ATG2B: variants seen among roughly 807,000 people sequenced by gnomAD.
The protein encoded by ATG2B is autophagy related 2B, also known as autophagy-related protein 2 homolog B.
Under a neutral mutation model 241.3 loss-of-function variants are expected in ATG2B, and 121 were observed. The ratio of observed to expected loss-of-function variants is 0.50; its 90% CI spans 0.43 to 0.58. ATG2B has a LOEUF of 0.58. Among genes scored for constraint, ATG2B ranks in the 20% least tolerant of loss-of-function variants. The probability of loss-of-function intolerance (pLI) is 0.00; values close to 1 mark genes in which losing one functional copy is unlikely to be tolerated. For synonymous variants in ATG2B, 858 were observed against 876.6 expected, an observed-to-expected ratio of 0.98 and a Z score of 0.37; for missense variants, 2,306 against 2,491.6, an observed-to-expected ratio of 0.93 and a Z score of 1.59.
Position 96,325,947 on chromosome 14 carries a change from T to C in ATG2B, c.2164-25A>G, listed in dbSNP as rs760340624. 6.9e-6 allele frequency: 11 copies of C among 1,601,902 alleles called. No homozygotes were observed. In the East Asian group the frequency reaches 1.8e-4, roughly 26 times the overall value. ...GCTAAAACACAAAACATCAAAAATATGCCAAAATATTAAAGTAAATGAACA... is the reference window on the plus strand; with the variant it reads ...GCTAAAACACAAAACATCAAAAATACGCCAAAATATTAAAGTAAATGAACA... On this transcript the variant is annotated intron_variant, in intron 14 of 41. Coordinates refer to ENST00000359933, the MANE Select transcript of ATG2B (RefSeq NM_018036.7).
chr14:96,340,078 AT>A, intron 6 of ATG2B, among the ~76,000 whole-genome samples: 1 of 126,614 alleles, frequency 7.9e-6, no homozygotes, highest in South Asian at 2.3e-4. Flanking sequence ...ATGTGATATG[AT>A]ATATATGAAT....
intron 29 of ATG2B, among the ~76,000 whole-genome samples, chr14:96,308,434 C>T (rs1273867575): frequency 1.1e-4 from 16 of 145,770 alleles, no homozygotes; most frequent in Non-Finnish European, 2.0e-4. Flanking sequence ...GGACTATAGG[C>T]GCCTGCCAAC....
chr14:96,331,216 GCA>G (rs1887722285), intron 11 of ATG2B, among the ~76,000 whole-genome samples, 158 bp downstream of exon 11: 1 of 152,228 alleles, frequency 6.6e-6, no homozygotes, highest in Non-Finnish European at 1.5e-5. Context: ...TTGCAGCACT[GCA>G]AGAAAACTTC....
rs1425935061 is a variant in ATG2B at position 96,304,522 on chromosome 14, G to A, written c.4815C>T (p.Asp1605=). Residue 1605 remains aspartate, a synonymous_variant, in exon 32 of 42, where the codon GAC becomes GAT. Transcript: ENST00000359933. ...TGCTTAGCTGTATTTCCATTAAAAA[G>A]TCATGGTTCCTTCCTTTTCCCCCAC... ...TVCGGKGRNH[D]FLMEIQLSKV... 6.2e-7 allele frequency: 1 copy of A among 1,611,364 alleles called. No homozygotes were observed. Among genetic ancestry groups the A allele is most frequent in the East Asian group, 2.2e-5 (1 of 44,766 alleles).
At chr14:96,301,740 G>A (rs1346376176) in intron 34 of ATG2B, among the ~76,000 whole-genome samples, 1 of 152,190 alleles carries the variant, frequency 6.6e-6, no homozygotes, top group South Asian at 2.1e-4. Context: ...TGGGAGTAGA[G>A]TACTTGAGGA....
rs748724343 is a variant in ATG2B, at chr14:96,290,926, G to A, written c.5589C>T (p.Gly1863=). 11 of 1,610,082 alleles carry A rather than the reference G, an allele frequency of 6.8e-6. No individual in the cohort carries two copies. Among genetic ancestry groups the A allele is most frequent in the Non-Finnish European group, 9.3e-6 (11 of 1,178,212 alleles). The change falls in exon 39 of 42, where the codon GGC becomes GGT. Residue 1863 remains glycine (G), a synonymous_variant. Transcript: ENST00000359933. This position sits in a 1 kb window ranked among gnomAD's most constrained non-coding sequence, Gnocchi z 4.4. ...KRLSYRHGLL[G]VDKLFSYAIT... The stretch of plus-strand genomic sequence containing the variant: ...TTGCATATGAGAATAATTTGTCAAC[G>A]CCTAGTAAACTAGAGCAAATGATTA...
intron 34 of ATG2B, among the ~76,000 whole-genome samples, chr14:96,299,756 A>G (rs993885666): frequency 6.6e-6 from 1 of 152,170 alleles, no homozygotes; most frequent in African/African-American, 2.4e-5. Context: ...CTTACCTTCA[A>G]TGGCAATGCA....
chr14:96,303,757 T>C (rs1348998365), intron 32 of ATG2B, among the ~76,000 whole-genome samples: 1 of 152,208 alleles, frequency 6.6e-6, no homozygotes, highest in Admixed American at 6.5e-5. Flanking sequence ...AGGGGGACTA[T>C]GTGGACCCTA....
rs149335622 is a variant in ATG2B, at chr14:96,314,946, T to C, written c.3642+208A>G. Among the ~76,000 whole-genome samples, 809 of 152,302 alleles carry C rather than the reference T, an allele frequency of 5.3e-3. 27 individuals carry two copies. The South Asian group carries it at 0.067, about 13-fold the overall frequency. On this transcript the variant is annotated intron_variant, in intron 23 of 41. Transcript: ENST00000359933. ...CCTCAGGTGATCCACCTGCCTTGGC[T>C]TCCCAAAGTGCTGGGATTACAGGCA...
Position 96,316,568 on chromosome 14 carries a change from C to T in ATG2B, c.3326G>A (p.Cys1109Tyr). Reference protein sequence around the residue: ...YEGFDDKHYICLHSSSFSLYH... With the variant: ...YEGFDDKHYIYLHSSSFSLYH... ...CAGACTGAAACTGCTAGAATGAAGG[C>T]AAATGTAGTGCTTGTCATCAAAACC... is the stretch of plus-strand genomic sequence containing the variant. Residue 1109 changes from cysteine (C) to tyrosine (Y), a missense_variant, in exon 21 of 42, where the codon TGC (cysteine) becomes TAC (tyrosine). By Grantham distance (194) the Cys-to-Tyr change is radical (BLOSUM62 -2). Transcript: ENST00000359933. 2 of 1,613,642 alleles carry T rather than the reference C, an allele frequency of 1.2e-6. No individual in the cohort carries two copies. Among genetic ancestry groups the T allele is most frequent in the Non-Finnish European group, 1.7e-6 (2 of 1,179,822 alleles).
chr14:96,309,680 T>G, intron 28 of ATG2B, 86 bp from the exon 29 acceptor site: 2 of 1,245,532 alleles, frequency 1.6e-6, no homozygotes, highest in Non-Finnish European at 2.2e-6. Flanking sequence ...AAAAATACAT[T>G]ACATTGTACA....
In ATG2B at chr14:96,347,302, C is replaced by T. The variant is rs775322114; in HGVS notation, c.202G>A (p.Glu68Lys). Reference protein sequence around the residue: ...EILESADAPLEVTEGFIQSIS... With the variant: ...EILESADAPLKVTEGFIQSIS... ...GACTGAATGAATCCTTCAGTGACTT[C>T]TAAGGGTGCATCTGCTGACTCCAAG... Residue 68 changes from glutamate to lysine, a missense_variant, in exon 2 of 42, where the codon GAA becomes AAA. Physicochemically the swap from Glu to Lys is moderately conservative, Grantham distance 56. Coordinates refer to ENST00000359933, the MANE Select transcript of ATG2B (RefSeq NM_018036.7). 41 of 1,605,492 alleles carry T rather than the reference C, an allele frequency of 2.6e-5. No homozygotes were observed. The highest frequency in any genetic ancestry group is 3.3e-5 in the Non-Finnish European group (39 of 1,173,358).
At position 96,363,204 on chromosome 14, in the gene ATG2B, G is replaced by A; in HGVS notation, c.-228C>T. On this transcript the variant is annotated 5_prime_UTR_variant, in exon 1 of 42. Coordinates refer to ENST00000359933, the MANE Select transcript of ATG2B (RefSeq NM_018036.7). Reference sequence around the variant, plus strand: ...GGGGTCCTCCTGGCCCCAGGCCAGGGGACTTCCGAGGAGGGTCCCAACCGG... The same window carrying A: ...GGGGTCCTCCTGGCCCCAGGCCAGGAGACTTCCGAGGAGGGTCCCAACCGG... 1.9e-6 allele frequency: 1 copy of A among 525,090 alleles called. No homozygotes were observed. Among genetic ancestry groups the A allele is most frequent in the South Asian group, 2.3e-5 (1 of 44,290 alleles). 32.5% of individuals were successfully genotyped at this position (525,090 alleles called of 1,614,324 possible).
At chr14:96,287,309 A>G (rs1886365702) in intron 41 of ATG2B, among the ~76,000 whole-genome samples, 1 of 151,434 alleles carries the variant, frequency 6.6e-6, no homozygotes. Context: ...AATAAGTACT[A>G]CTTTAAAAAC....
At chr14:96,316,945 G>A (rs920660903) in intron 20 of ATG2B, among the ~76,000 whole-genome samples, 200 bp downstream of exon 20, 1 of 152,158 alleles carries the variant, frequency 6.6e-6, no homozygotes, top group African/African-American at 2.4e-5. Context: ...TCCAAAGGGA[G>A]AGCCCCACAA....
At chr14:96,328,240 A>T in intron 14 of ATG2B, 107 bp downstream of exon 14, 1 of 680,756 alleles carries the variant, frequency 1.5e-6, no homozygotes, top group Non-Finnish European at 2.2e-6. Context: ...ATGCTATTTT[A>T]ATTATACTGT....
chr14:96,337,340 C>G (rs1887893698), intron 6 of ATG2B, among the ~76,000 whole-genome samples: 1 of 152,162 alleles, frequency 6.6e-6, no homozygotes, highest in African/African-American at 2.4e-5. Flanking sequence ...TTGACAAATA[C>G]ATTTTTAACT....
chr14:96,328,257 T>A (rs1887635294), intron 14 of ATG2B, 90 bp downstream of exon 14: 1 of 822,844 alleles, frequency 1.2e-6, no homozygotes, highest in Non-Finnish European at 1.8e-6. Context: ...CTGTTTAATC[T>A]ATTAAAAATA....
intron 6 of ATG2B, among the ~76,000 whole-genome samples, chr14:96,335,242 C>T (rs898741222): frequency 2.6e-5 from 4 of 152,162 alleles, no homozygotes; most frequent in Non-Finnish European, 5.9e-5. Flanking sequence ...CTCCTCTTAA[C>T]ACTGACTCCT....
Sources: allele counts gnomAD v4.1 joint callset (sites outside exome capture counted in the v4.1 genomes callset), GRCh38; gene constraint gnomAD v4.1.1; non-coding constraint Gnocchi (gnomAD v3.1); transcripts MANE v1.5; gene names NCBI Gene and HGNC (gene_info 2026-07-23, HGNC 2026-07-21).